Variants in SHOC1 observed in about 807,000 individuals in gnomAD.
The protein encoded by SHOC1 is protein shortage in chiasmata 1 ortholog.
SHOC1 carries 136 observed loss-of-function variants against 179.2 expected under a neutral mutation model. The ratio of observed to expected loss-of-function variants is 0.76; its 90% CI spans 0.66 to 0.87. The LOEUF (loss-of-function observed/expected upper bound fraction) is 0.87. Among genes scored for constraint, SHOC1 ranks in the 40% least tolerant of loss-of-function variants. The probability of loss-of-function intolerance (pLI) is 0.00; values close to 1 mark genes in which losing one functional copy is unlikely to be tolerated. For missense variants in SHOC1, 1,538 were observed against 1,700.8 expected (o/e 0.90, Z 1.68); for synonymous variants, 489 against 586.6 (o/e 0.83, Z 2.41).
chr9:111,779,798 T>C (rs1372943824), intron 4 of SHOC1, among the ~76,000 whole-genome samples: 1 of 152,136 alleles, frequency 6.6e-6, no homozygotes, highest in Non-Finnish European at 1.5e-5. Context: ...TTTAATAAGA[T>C]CCTCAGGGGA....
At chr9:111,708,875 A>G (rs923573188) in intron 18 of SHOC1, among the ~76,000 whole-genome samples, 3 of 152,200 alleles carry the variant, frequency 2.0e-5, no homozygotes, top group African/African-American at 7.2e-5. Context: ...TAAATTATAT[A>G]CTCTATTAGT....
intron 19 of SHOC1, 52 bp downstream of exon 19, chr9:111,707,803 T>C (rs1489204729): frequency 1.1e-5 from 13 of 1,237,778 alleles, no homozygotes; most frequent in Admixed American, 2.2e-5. Context: ...ATTTTGCTTT[T>C]CCTGTGAAAC....
chr9:111,746,210 G>A (rs538811766), intron 10 of SHOC1, 24 bp downstream of exon 10: 6 of 1,439,068 alleles, frequency 4.2e-6, no homozygotes, highest in South Asian at 3.4e-5. Context: ...TGCAACATGG[G>A]TTCTAGATAT....
At chr9:111,734,400 A>G (rs1316975093) in intron 12 of SHOC1, among the ~76,000 whole-genome samples, 2 of 152,196 alleles carry the variant, frequency 1.3e-5, no homozygotes, top group African/African-American at 2.4e-5. Context: ...TTTGTCTACT[A>G]ACCTGACCTA....
chr9:111,706,649 A>G lies in SHOC1; in HGVS notation c.2656T>C (p.Ser886Pro). The G allele has an allele frequency of 6.2e-7, 1 of 1,609,262 alleles. No homozygotes were observed. Among genetic ancestry groups the G allele is most frequent in the East Asian group, 2.2e-5 (1 of 44,614 alleles). The change falls in exon 20 of 28, where the codon TCT becomes CCT. Residue 886 changes from serine to proline, a missense_variant. By Grantham distance (74) the Ser-to-Pro change is moderately conservative. Transcript: ENST00000682961. ...TCTTTGCAGTGTTTAGTCCAACAAG[A>G]GTCTTCCACATAATTGTATTCCACC... is the stretch of plus-strand genomic sequence containing the variant. ...FVVEYNYVED[S>P]CWTKHCKELN...
intron 18 of SHOC1, among the ~76,000 whole-genome samples, chr9:111,710,513 T>C (rs1211248129): frequency 6.6e-6 from 1 of 152,176 alleles, no homozygotes; most frequent in African/African-American, 2.4e-5. Flanking sequence ...TTTAATAAAC[T>C]TTTATCGAGT....
At chr9:111,780,118 T>C (rs1241106825) in intron 4 of SHOC1, among the ~76,000 whole-genome samples, 1 of 152,274 alleles carries the variant, frequency 6.6e-6, no homozygotes, top group Non-Finnish European at 1.5e-5. Context: ...TTATCTATTA[T>C]TTTCCTAACC....
chr9:111,771,663 A>G (rs978256166), intron 5 of SHOC1, among the ~76,000 whole-genome samples: 3 of 152,050 alleles, frequency 2.0e-5, no homozygotes. Flanking sequence ...CTTCATATTC[A>G]AAGGGTAATT....
At chr9:111,787,092 A>G (rs1351394858) in intron 2 of SHOC1, among the ~76,000 whole-genome samples, 1 of 152,134 alleles carries the variant, frequency 6.6e-6, no homozygotes, top group Non-Finnish European at 1.5e-5. Flanking sequence ...TTTTGGGGGA[A>G]AAAAAAGATT....
chr9:111,761,865 C>T (rs2131579925), intron 5 of SHOC1, among the ~76,000 whole-genome samples: 1 of 152,100 alleles, frequency 6.6e-6, no homozygotes, highest in East Asian at 1.9e-4. Flanking sequence ...TTTTGCCCAT[C>T]ACATTGGTTT....
chr9:111,762,526 C>A (rs144255679), intron 5 of SHOC1, among the ~76,000 whole-genome samples: 1,620 of 151,814 alleles, frequency 0.011, 70 homozygotes, highest in Admixed American at 0.075. Flanking sequence ...AAAATAATAT[C>A]ATGTATATAT....
intron 24 of SHOC1, among the ~76,000 whole-genome samples, chr9:111,696,062 C>T (rs780756401): frequency 6.6e-6 from 1 of 152,070 alleles, no homozygotes; most frequent in Non-Finnish European, 1.5e-5. Flanking sequence ...TTCTGGGGCT[C>T]ATGGCTAGAT....
chr9:111,766,999 A>C (rs1279123629), intron 5 of SHOC1, among the ~76,000 whole-genome samples: 1 of 151,090 alleles, frequency 6.6e-6, no homozygotes, highest in Non-Finnish European at 1.5e-5. Flanking sequence ...TCTTCTTTTG[A>C]GAAGTGTCTG....
At chr9:111,788,839 T>C (rs1462272852) in intron 2 of SHOC1, among the ~76,000 whole-genome samples, 1 of 152,240 alleles carries the variant, frequency 6.6e-6, no homozygotes, top group Non-Finnish European at 1.5e-5. Context: ...AATGAGTCAG[T>C]GTTCTCTTTA....
At chr9:111,743,283 G>T (rs1164931448) in intron 10 of SHOC1, among the ~76,000 whole-genome samples, 1 of 151,926 alleles carries the variant, frequency 6.6e-6, no homozygotes, top group African/African-American at 2.4e-5. Flanking sequence ...ATATACAGTA[G>T]TTCCCCCTTA....
chr9:111,691,625 C>G lies in SHOC1; in HGVS notation c.4352G>C (p.Arg1451Thr). 1 of 1,613,902 alleles carries G rather than the reference C, an allele frequency of 6.2e-7. No individual in the cohort carries two copies. Among genetic ancestry groups the G allele is most frequent in the Non-Finnish European group, 8.5e-7 (1 of 1,179,926 alleles). Reference sequence around the variant, plus strand: ...TTTCTGTCCTAAACTTTTTCCAGCTCTTTGGTAGAAATAAAGGCTGTTGAA... The same window carrying G: ...TTTCTGTCCTAAACTTTTTCCAGCTGTTTGGTAGAAATAAAGGCTGTTGAA... ...KEFNSLYFYQ[R>T]AGKSLGQKRH... is the part of the protein sequence containing the mutation. The change falls in exon 27 of 28, where the codon AGA becomes ACA. Residue 1451 changes from arginine to threonine, a missense_variant. Arg to Thr is a moderately conservative substitution (Grantham distance 71, BLOSUM62 -1). Coordinates refer to ENST00000682961, the MANE Select transcript of SHOC1 (RefSeq NM_001378211.1).
chr9:111,775,704 T>C (rs553588366), intron 5 of SHOC1, 87 bp downstream of exon 5: 17 of 1,180,448 alleles, frequency 1.4e-5, no homozygotes, highest in Non-Finnish European at 1.7e-5. Context: ...AAAAATTTTT[T>C]ATTCAACTCA....
chr9:111,759,546 A>G (rs1835044933), intron 5 of SHOC1: 2 of 1,148,856 alleles, frequency 1.7e-6, no homozygotes, highest in Middle Eastern at 3.5e-4. Flanking sequence ...CAGCTTTAAC[A>G]GTTTCTAAGT....
chr9:111,758,029 C>T (rs953776515), intron 7 of SHOC1, 55 bp downstream of exon 7: 57 of 887,368 alleles, frequency 6.4e-5, no homozygotes, highest in South Asian at 1.0e-4. Flanking sequence ...ACAAATTTTA[C>T]AAAAATGTGC....
Sources: allele counts gnomAD v4.1 joint callset (sites outside exome capture counted in the v4.1 genomes callset), GRCh38; gene constraint gnomAD v4.1.1; transcripts MANE v1.5; gene names NCBI Gene and HGNC (gene_info 2026-07-23, HGNC 2026-07-21).